Variants in TGFBR3 observed in about 807,000 individuals in gnomAD.
TGFBR3 encodes transforming growth factor beta receptor 3.
In TGFBR3, 46 loss-of-function variants were observed where a neutral mutation model predicts 87.9. The observed-to-expected ratio is 0.52, with a 90% CI of 0.41 to 0.67. The LOEUF is 0.67. Among genes scored for constraint, TGFBR3 ranks in the 30% least tolerant of loss-of-function variants. The pLI is 0.00. For synonymous variants in TGFBR3, 381 were observed against 391.6 expected (o/e 0.97, Z 0.32); for missense variants, 866 against 1,041.9 (o/e 0.83, Z 2.32).
In TGFBR3 at chr1:91,712,401, T is replaced by G. The variant is rs769890281; in HGVS notation, c.2008A>C (p.Ser670Arg). 6.2e-7 allele frequency: 1 copy of G among 1,614,224 alleles called. No homozygotes were observed. The highest frequency in any genetic ancestry group is 8.5e-7 in the Non-Finnish European group (1 of 1,180,026). The change falls in exon 13 of 17, where the codon AGT (serine) becomes CGT (arginine). Residue 670 changes from serine (S) to arginine (R), a missense_variant. Physicochemically the swap from Ser to Arg is moderately radical, Grantham distance 110. Coordinates refer to ENST00000212355, the MANE Select transcript of TGFBR3 (RefSeq NM_003243.5). Reference protein sequence around the residue: ...CPKDESVKFYSPKRVHFPIPQ... With the variant: ...CPKDESVKFYRPKRVHFPIPQ... ...ATAGGAAAGTGCACTCTCTTGGGAC[T>G]GTAGAATTTCACAGATTCATCTTTA...
intron 5 of TGFBR3, among the ~76,000 whole-genome samples, chr1:91,732,316 C>T (rs534361626): frequency 3.3e-4 from 50 of 152,256 alleles, no homozygotes; most frequent in Middle Eastern, 3.4e-3. Flanking sequence ...AGTTCCCAAA[C>T]GTCAGCAAGC....
At position 91,682,400 on chromosome 1, in the gene TGFBR3, CA is replaced by C. The variant is rs1557653078; in HGVS notation, c.*1338del. On this transcript the variant is annotated 3_prime_UTR_variant, in exon 17 of 17. Coordinates refer to ENST00000212355, the MANE Select transcript of TGFBR3 (RefSeq NM_003243.5). ...ATTTAGCATGATAATTCCCCCCTGGCATTCTTTTTTTTTTTTTTTTTTTTTA... is the reference window on the plus strand; with the variant it reads ...ATTTAGCATGATAATTCCCCCCTGGCTTCTTTTTTTTTTTTTTTTTTTTTA... 2.6e-6 allele frequency: 1 copy of C among 386,174 alleles called. No homozygotes were observed. Among genetic ancestry groups the C allele is most frequent in the South Asian group, 1.8e-5 (1 of 56,414 alleles). 23.9% of individuals were successfully genotyped at this position (386,174 alleles called of 1,614,324 possible). A position where few individuals can be genotyped will look rare whatever the true frequency, so the allele number is the denominator to read the frequency against.
intron 3 of TGFBR3, chr1:91,786,361 A>C: frequency 2.4e-6 from 1 of 408,386 alleles, no homozygotes; most frequent in Non-Finnish European, 4.8e-6. Context: ...CCAGTTAAGG[A>C]GGCTCCAGGG....
chr1:91,846,755 T>C (rs1261662282), intron 2 of TGFBR3, among the ~76,000 whole-genome samples: 1 of 152,136 alleles, frequency 6.6e-6, no homozygotes, highest in African/African-American at 2.4e-5. Flanking sequence ...TCTCAAAATG[T>C]CCTTCTTCCA....
intron 2 of TGFBR3, among the ~76,000 whole-genome samples, chr1:91,821,418 A>T (rs941646059): frequency 1.3e-5 from 2 of 152,172 alleles, no homozygotes; most frequent in Non-Finnish European, 2.9e-5. Context: ...TTACTGTGCA[A>T]ATGTGTTTTT....
At chr1:91,765,669 G>A (rs975772667) in intron 3 of TGFBR3, among the ~76,000 whole-genome samples, 11 of 152,122 alleles carry the variant, frequency 7.2e-5, no homozygotes, top group African/African-American at 2.2e-4. Flanking sequence ...AAACAGTTAC[G>A]CAAATAAAAA....
intron 2 of TGFBR3, among the ~76,000 whole-genome samples, chr1:91,837,151 C>T (rs1677093892): frequency 6.6e-6 from 1 of 151,824 alleles, no homozygotes; most frequent in African/African-American, 2.4e-5. Flanking sequence ...TAAATACAGA[C>T]CTAATAATTT....
intron 3 of TGFBR3, among the ~76,000 whole-genome samples, chr1:91,760,188 A>G (rs1673907677): frequency 6.6e-6 from 1 of 152,212 alleles, no homozygotes; most frequent in African/African-American, 2.4e-5. Context: ...GCATGTCTTA[A>G]TTTCCAAAAT....
rs1671603682 is a variant in TGFBR3, at chr1:91,701,140, G to A, written c.2288-3010C>T. Among the ~76,000 whole-genome samples, 3 of 152,006 alleles carry A rather than the reference G, an allele frequency of 2.0e-5. No individual in the cohort carries two copies. The South Asian group carries it at 6.2e-4, about 32-fold the overall frequency. ...TGGCATTGTTTTAAAATTCTTAATG[G>A]ATTTCTGTTATGATCTAATCCTTTA... On this transcript the variant is annotated intron_variant, in intron 14 of 16. Coordinates refer to ENST00000212355, the MANE Select transcript of TGFBR3 (RefSeq NM_003243.5).
chr1:91,853,433 A>C (rs1201438138), intron 2 of TGFBR3, among the ~76,000 whole-genome samples: 1 of 151,766 alleles, frequency 6.6e-6, no homozygotes, highest in Non-Finnish European at 1.5e-5. Context: ...GCCTTTGATC[A>C]CTCGTTTGGC....
chr1:91,844,092 G>T (rs1677389499), intron 2 of TGFBR3, among the ~76,000 whole-genome samples: 1 of 152,160 alleles, frequency 6.6e-6, no homozygotes, highest in Non-Finnish European at 1.5e-5. Flanking sequence ...TTAGTCCAAA[G>T]GAACAAGGAT....
At chr1:91,732,523 G>A (rs17131542) in intron 5 of TGFBR3, among the ~76,000 whole-genome samples, 3,783 of 152,248 alleles carry the variant, frequency 0.025, 141 homozygotes, top group African/African-American at 0.084. Flanking sequence ...GCCTGCGATC[G>A]CTGGGTACAA....
chr1:91,695,267 A>G (rs936363815), intron 16 of TGFBR3, among the ~76,000 whole-genome samples: 4 of 152,246 alleles, frequency 2.6e-5, no homozygotes, highest in Admixed American at 2.6e-4. Context: ...TCTGATGGAC[A>G]GTGCTCAATA....
intron 1 of TGFBR3, among the ~76,000 whole-genome samples, chr1:91,868,366 A>G (rs527407745): frequency 5.8e-4 from 88 of 152,374 alleles, no homozygotes; most frequent in African/African-American, 2.0e-3. Flanking sequence ...TTTTGAGATT[A>G]GACTTTATCA....
chr1:91,764,593 C>T (rs1054067227), intron 3 of TGFBR3, among the ~76,000 whole-genome samples: 2 of 152,108 alleles, frequency 1.3e-5, no homozygotes, highest in African/African-American at 4.8e-5. Context: ...AGAAGAGAGG[C>T]AGGCAAAGCG....
chr1:91,855,396 A>G (rs1166866504), intron 2 of TGFBR3, among the ~76,000 whole-genome samples: 4 of 152,186 alleles, frequency 2.6e-5, no homozygotes, highest in Non-Finnish European at 4.4e-5. Context: ...CAGCCCTTCC[A>G]ATAAAACTGA....
At chr1:91,808,558 TG>T (rs1208846796) in intron 2 of TGFBR3, among the ~76,000 whole-genome samples, 2 of 152,204 alleles carry the variant, frequency 1.3e-5, no homozygotes, top group Non-Finnish European at 2.9e-5. Context: ...TTCCGCCTCC[TG>T]GGTTCGAGTG....
At chr1:91,759,223 T>A (rs1673863189) in intron 3 of TGFBR3, among the ~76,000 whole-genome samples, 1 of 151,940 alleles carries the variant, frequency 6.6e-6, no homozygotes, top group Non-Finnish European at 1.5e-5. Context: ...TAAAGTGAAA[T>A]GGGTTCTGCC....
intron 4 of TGFBR3, among the ~76,000 whole-genome samples, chr1:91,755,873 C>T (rs1247202426): frequency 2.0e-5 from 3 of 152,082 alleles, no homozygotes; most frequent in Non-Finnish European, 4.4e-5. Context: ...TGATCTGGGG[C>T]CAGCCAAACT....
Sources: allele counts gnomAD v4.1 joint callset (sites outside exome capture counted in the v4.1 genomes callset), GRCh38; gene constraint gnomAD v4.1.1; transcripts MANE v1.5; gene names NCBI Gene and HGNC (gene_info 2026-07-23, HGNC 2026-07-21).